Variants in WDFY2 observed in about 807,000 individuals in gnomAD.
WDFY2 encodes WD repeat and FYVE domain containing 2.
In WDFY2, 36 loss-of-function variants were observed where a neutral mutation model predicts 56.4. The observed-to-expected ratio is 0.64, with a 90% confidence interval of 0.49 to 0.84. The LOEUF is 0.84. Among genes scored for constraint, WDFY2 ranks in the 40% least tolerant of loss-of-function variants. The pLI, the probability that WDFY2 is intolerant of heterozygous loss-of-function variation, is 0.00. For missense variants in WDFY2, 444 were observed against 512.2 expected (o/e 0.87, Z 1.29); for synonymous variants, 176 against 183.7 (o/e 0.96, Z 0.34).
In WDFY2 at chr13:51,761,980, A is replaced by C. The variant is rs763491861; in HGVS notation, c.*2211A>C. On this transcript the variant is annotated 3_prime_UTR_variant, in exon 12 of 12. Coordinates refer to ENST00000298125, the MANE Select transcript of WDFY2 (RefSeq NM_052950.4). ...TGTAACTACTTTGAGTCTTTTCTGC[A>C]TGATTGCTCTTTGAGAGAACTTTAA... 6 of 152,250 alleles carry C rather than the reference A, an allele frequency of 3.9e-5. No individual in the cohort carries two copies. The highest frequency in any genetic ancestry group is 7.3e-5 in the Non-Finnish European group (5 of 68,048). The allele number at this position is 152,250 out of a possible 1,614,324, so 9.4% of individuals were successfully genotyped here. A position where few individuals can be genotyped will look rare whatever the true frequency, so the allele number is the denominator to read the frequency against.
At position 51,614,186 on chromosome 13, in the gene WDFY2, CAAAAA is replaced by C. The variant is rs771044291; in HGVS notation, c.137+29382_137+29386del. 9.2e-3 allele frequency among the ~76,000 whole-genome samples: 563 copies of C among 60,944 alleles called. 4 individuals are homozygous for C. The highest frequency in any genetic ancestry group is 0.03 in the African/African-American group (427 of 14,326). The allele number at this position is 60,944 out of a possible 152,430, so 40.0% of individuals were successfully genotyped here. A position where few individuals can be genotyped will look rare whatever the true frequency, so the allele number is the denominator to read the frequency against. On this transcript the variant is annotated intron_variant, in intron 1 of 11. Coordinates refer to ENST00000298125, the MANE Select transcript of WDFY2 (RefSeq NM_052950.4). ...GGGCGACAGTGCGAGACTCGGTCTC[CAAAAA>C]AAAAAAAAAAAAAAAAAAAGTGTAT...
intron 4 of WDFY2, among the ~76,000 whole-genome samples, chr13:51,704,570 C>T (rs539350336): frequency 2.0e-5 from 3 of 152,332 alleles, no homozygotes; most frequent in African/African-American, 7.2e-5. Flanking sequence ...CTCTCTTACA[C>T]ATGACAATCT....
intron 1 of WDFY2, among the ~76,000 whole-genome samples, chr13:51,601,418 CTTT>C (rs372263587): frequency 7.0e-6 from 1 of 143,182 alleles, no homozygotes. Flanking sequence ...TAGTAGTTTA[CTTT>C]TTTTTTTTTT....
At chr13:51,657,033 T>G (rs1955521332) in intron 1 of WDFY2, among the ~76,000 whole-genome samples, 1 of 152,078 alleles carries the variant, frequency 6.6e-6, no homozygotes, top group East Asian at 1.9e-4. Flanking sequence ...ATGTCTTAAA[T>G]CTCTTTGTTT....
chr13:51,687,704 T>C (rs1956084643), intron 3 of WDFY2, among the ~76,000 whole-genome samples: 1 of 152,114 alleles, frequency 6.6e-6, no homozygotes. Context: ...GCTGGACATG[T>C]TGGGGAGACA....
At chr13:51,670,467 G>A (rs1293162204) in intron 2 of WDFY2, among the ~76,000 whole-genome samples, 2 of 148,864 alleles carry the variant, frequency 1.3e-5, no homozygotes, top group Non-Finnish European at 3.0e-5. Flanking sequence ...AGCATTGTAC[G>A]TCTCACCTAC....
At position 51,584,498 on chromosome 13, in the gene WDFY2, T is replaced by C. The variant is rs1220701404; in HGVS notation, c.-190T>C. The C allele has an allele frequency of 2.8e-6, 2 of 725,902 alleles. No individual in the cohort carries two copies. The highest frequency in any genetic ancestry group is 1.8e-5 in the African/African-American group (1 of 54,370). 45.0% of individuals were successfully genotyped at this position (725,902 alleles called of 1,614,324 possible). ...GGCTTGCATCCCAGGTCGTGGCGGT[T>C]TTGGTGCCTGAAGCAGGGAGCGCGG... On this transcript the variant is annotated 5_prime_UTR_variant, in exon 1 of 12. Transcript: ENST00000298125.
chr13:51,700,370 T>A (rs1409949759), intron 3 of WDFY2, among the ~76,000 whole-genome samples: 2 of 152,236 alleles, frequency 1.3e-5, no homozygotes, highest in African/African-American at 4.8e-5. Flanking sequence ...CCAAAATATT[T>A]CAAATGTGTA....
intron 1 of WDFY2, among the ~76,000 whole-genome samples, chr13:51,652,708 T>A (rs1955419169): frequency 6.6e-6 from 1 of 152,210 alleles, no homozygotes; most frequent in African/African-American, 2.4e-5. Context: ...AAAATTCTTT[T>A]CTTTAAGAGT....
At chr13:51,635,212 G>A (rs1331444667) in intron 1 of WDFY2, among the ~76,000 whole-genome samples, 1 of 152,144 alleles carries the variant, frequency 6.6e-6, no homozygotes, top group Non-Finnish European at 1.5e-5. Context: ...CCAAAGTCCT[G>A]GGATTACAGC....
chr13:51,678,459 T>C (rs1955924395), intron 3 of WDFY2, among the ~76,000 whole-genome samples: 1 of 152,226 alleles, frequency 6.6e-6, no homozygotes, highest in South Asian at 2.1e-4. Flanking sequence ...TCTATTACCA[T>C]TCAAAATGTT....
chr13:51,638,392 G>T (rs1955092829), intron 1 of WDFY2, among the ~76,000 whole-genome samples: 2 of 152,128 alleles, frequency 1.3e-5, no homozygotes, highest in African/African-American at 4.8e-5. Context: ...ATTTGACAGG[G>T]CTGAGCAACA....
chr13:51,663,869 T>C (rs1015794328), intron 2 of WDFY2, among the ~76,000 whole-genome samples: 2 of 152,224 alleles, frequency 1.3e-5, no homozygotes, highest in Non-Finnish European at 2.9e-5. Flanking sequence ...ATGTTTATTC[T>C]ACTACATAAT....
At chr13:51,659,219 G>A (rs1234051037) in intron 1 of WDFY2, among the ~76,000 whole-genome samples, 4 of 152,160 alleles carry the variant, frequency 2.6e-5, no homozygotes, top group East Asian at 1.9e-4. Context: ...GAGCCACCGC[G>A]CACAGCCTGC....
At chr13:51,600,492 A>G (rs778113477) in intron 1 of WDFY2, among the ~76,000 whole-genome samples, 1 of 152,190 alleles carries the variant, frequency 6.6e-6, no homozygotes, top group Admixed American at 6.5e-5. Flanking sequence ...TTCTTAGTCC[A>G]CATGGCATAA....
Position 51,675,237 on chromosome 13 carries a change from A to C in WDFY2, c.273A>C (p.Thr91=). The change falls in exon 3 of 12, where the codon ACA becomes ACC. Residue 91 remains threonine (T), a synonymous_variant. Coordinates refer to ENST00000298125, the MANE Select transcript of WDFY2 (RefSeq NM_052950.4). ...TGTCCATAGGTCTAGACAATGGTAC[A>C]ATCTCAGTAAGTACACATAAATAAG... The part of the protein sequence containing the change: ...RRLSIGLDNG[T]ISEFILSEDY... The C allele has an allele frequency of 6.2e-7, 1 of 1,612,894 alleles. No homozygotes were observed. Among genetic ancestry groups the C allele is most frequent in the East Asian group, 2.2e-5 (1 of 44,872 alleles).
chr13:51,650,430 G>A (rs370579777), intron 1 of WDFY2, among the ~76,000 whole-genome samples: 2 of 152,238 alleles, frequency 1.3e-5, no homozygotes. Context: ...CGATTGCCCT[G>A]GCCAGAACTT....
intron 5 of WDFY2, among the ~76,000 whole-genome samples, chr13:51,724,484 G>A (rs1313239129): frequency 1.3e-5 from 2 of 152,086 alleles, no homozygotes; most frequent in African/African-American, 2.4e-5. Flanking sequence ...TGATCCGACC[G>A]CCTCGGCCTC....
intron 1 of WDFY2, 94 bp downstream of exon 1, chr13:51,584,918 G>C: frequency 6.6e-7 from 1 of 1,517,452 alleles, no homozygotes; most frequent in East Asian, 2.3e-5. Flanking sequence ...GTCGGCGCGA[G>C]TGTAGACTTG....
Sources: allele counts gnomAD v4.1 joint callset (sites outside exome capture counted in the v4.1 genomes callset), GRCh38; gene constraint gnomAD v4.1.1; transcripts MANE v1.5; gene names NCBI Gene and HGNC (gene_info 2026-07-23, HGNC 2026-07-21).